BLNK: variants seen among roughly 807,000 people sequenced by gnomAD.
BLNK encodes the protein B cell linker, also known as B-cell linker protein.
In BLNK, 29 loss-of-function variants were observed where a neutral mutation model predicts 73.5. That is an observed-to-expected ratio of 0.39 (90% CI 0.29 to 0.54). The LOEUF (loss-of-function observed/expected upper bound fraction) is 0.54. Ranked by LOEUF, BLNK falls within the 20% of genes least tolerant of loss-of-function variation. The pLI is 0.61. For missense variants in BLNK, 460 were observed against 562.8 expected (o/e 0.82, Z 1.85); for synonymous variants, 176 against 200.8 (o/e 0.88, Z 1.04).
chr10:96,257,512 A>G (rs1423355028), intron 1 of BLNK, among the ~76,000 whole-genome samples: 4 of 152,248 alleles, frequency 2.6e-5, no homozygotes, highest in Non-Finnish European at 4.4e-5. Flanking sequence ...ACAAAGTGCC[A>G]TGTTGGCCAT....
rs139446805 is a variant in BLNK, at chr10:96,219,478, A to T, written c.526-2744T>A. Among the ~76,000 whole-genome samples the T allele has an allele frequency of 2.7e-4, 41 of 152,342 alleles. 1 individual carries two copies. The East Asian group carries it at 7.5e-3, about 28-fold the overall frequency. On this transcript the variant is annotated intron_variant, in intron 6 of 16. Transcript: ENST00000224337. ...AACCCTGTAGTCAACAAAATCCTTC[A>T]ATATCTTATGTCTGAACACAGAATA...
intron 5 of BLNK, among the ~76,000 whole-genome samples, chr10:96,225,359 G>C (rs1402814906): frequency 1.3e-5 from 2 of 152,164 alleles, no homozygotes; most frequent in African/African-American, 4.8e-5. Flanking sequence ...TTGCCTGTTA[G>C]GCCCTCGCCT....
chr10:96,242,664 C>A, intron 3 of BLNK, 71 bp downstream of exon 3: 2 of 1,404,062 alleles, frequency 1.4e-6, no homozygotes, highest in Non-Finnish European at 2.0e-6. Context: ...TTTCCCTTTC[C>A]ATAAGCCTAA....
intron 1 of BLNK, 45 bp downstream of exon 1, chr10:96,271,307 G>A (rs1359264853): frequency 6.3e-6 from 10 of 1,596,858 alleles, no homozygotes; most frequent in Non-Finnish European, 8.6e-6. Context: ...GCACTGGGGG[G>A]AAAAAAAGGA....
At chr10:96,232,422 C>T (rs587666316) in intron 3 of BLNK, among the ~76,000 whole-genome samples, 1 of 152,214 alleles carries the variant, frequency 6.6e-6, no homozygotes, top group South Asian at 2.1e-4. Flanking sequence ...GCTATTTCTA[C>T]CCCTGCCACA....
At position 96,190,266 on chromosome 10, in the gene BLNK, A is replaced by G. The variant is rs2083308290; in HGVS notation, c.*1707T>C. On this transcript the variant is annotated 3_prime_UTR_variant, in exon 17 of 17. Transcript: ENST00000224337. The stretch of plus-strand genomic sequence containing the variant: ...GTGGGAGAGAAAGCAGACGGAGATA[A>G]ACGACCACTGCTCAAGAGAACAGCC... 2 of 712,910 alleles carry G rather than the reference A, an allele frequency of 2.8e-6. No individual in the cohort carries two copies. The highest frequency in any genetic ancestry group is 5.2e-5 in the East Asian group (2 of 38,324). The allele number at this position is 712,910 out of a possible 1,614,324, so 44.2% of individuals were successfully genotyped here. A position where few individuals can be genotyped will look rare whatever the true frequency, so the allele number is the denominator to read the frequency against.
intron 4 of BLNK, among the ~76,000 whole-genome samples, chr10:96,227,973 T>C (rs1434949111): frequency 1.3e-5 from 2 of 152,012 alleles, no homozygotes; most frequent in East Asian, 1.9e-4. Context: ...ACGAAGAGGG[T>C]GAGGAGACAC....
chr10:96,234,048 T>C (rs1379300350), intron 3 of BLNK, among the ~76,000 whole-genome samples: 1 of 152,224 alleles, frequency 6.6e-6, no homozygotes, highest in African/African-American at 2.4e-5. Context: ...AACTTGGTTT[T>C]GAAAGAGGTT....
At chr10:96,257,149 G>A (rs1403795641) in intron 1 of BLNK, among the ~76,000 whole-genome samples, 2 of 152,142 alleles carry the variant, frequency 1.3e-5, no homozygotes, top group Non-Finnish European at 2.9e-5. Flanking sequence ...AGCTGAGAGT[G>A]TCAGGAAAGT....
intron 1 of BLNK, among the ~76,000 whole-genome samples, chr10:96,253,740 G>C (rs1416826185): frequency 1.3e-5 from 2 of 152,016 alleles, no homozygotes; most frequent in African/African-American, 2.4e-5. Context: ...GCCAGGCTGG[G>C]TGCGATGGCT....
intron 6 of BLNK, among the ~76,000 whole-genome samples, chr10:96,220,116 A>G (rs1257558716): frequency 6.6e-6 from 1 of 152,170 alleles, no homozygotes; most frequent in Non-Finnish European, 1.5e-5. Context: ...TATAAATCAG[A>G]TATCACCTCC....
intron 1 of BLNK, among the ~76,000 whole-genome samples, chr10:96,253,278 A>G (rs1157150886): frequency 6.6e-6 from 1 of 152,238 alleles, no homozygotes; most frequent in Non-Finnish European, 1.5e-5. Flanking sequence ...GCTTTTAAAT[A>G]GCTGAAACTC....
chr10:96,207,392 C>T (rs2083844049), intron 10 of BLNK, among the ~76,000 whole-genome samples: 1 of 152,184 alleles, frequency 6.6e-6, no homozygotes, highest in South Asian at 2.1e-4. Flanking sequence ...CTCATGACCC[C>T]CCCCTTCTGT....
intron 1 of BLNK, 132 bp downstream of exon 1, chr10:96,271,220 C>G: frequency 9.8e-7 from 1 of 1,024,606 alleles, no homozygotes; most frequent in Non-Finnish European, 1.5e-6. Flanking sequence ...GCTCAGTCCA[C>G]TTCCCTATAG....
chr10:96,215,229 T>A, intron 8 of BLNK, 92 bp downstream of exon 8: 1 of 1,367,230 alleles, frequency 7.3e-7, no homozygotes, highest in Admixed American at 1.7e-5. Flanking sequence ...TATTAAGACA[T>A]TTGGAAATAC....
At chr10:96,229,654 CTGTGTGTGTGTG>C (rs10625497) in intron 4 of BLNK, among the ~76,000 whole-genome samples, 3 of 142,586 alleles carry the variant, frequency 2.1e-5, no homozygotes, top group Non-Finnish European at 3.0e-5. Flanking sequence ...TTACATGTGG[CTGTGTGTGTGTG>C]TGTGTGTGTG....
intron 16 of BLNK, among the ~76,000 whole-genome samples, 177 bp downstream of exon 16, chr10:96,196,731 C>G (rs2083475643): frequency 6.6e-6 from 1 of 152,140 alleles, no homozygotes; most frequent in African/African-American, 2.4e-5. Flanking sequence ...TTTCTGTGTT[C>G]TTATAGGATA....
At chr10:96,196,236 G>A (rs1198935695) in intron 16 of BLNK, among the ~76,000 whole-genome samples, 2 of 151,956 alleles carry the variant, frequency 1.3e-5, no homozygotes, top group East Asian at 3.8e-4. Context: ...AATTCAACCC[G>A]TAATTCAAAA....
chr10:96,236,784 C>T (rs587745541), intron 3 of BLNK, among the ~76,000 whole-genome samples: 3 of 152,294 alleles, frequency 2.0e-5, no homozygotes, highest in African/African-American at 7.2e-5. Context: ...CATGATTGTA[C>T]CCCTGGACCC....
Sources: allele counts gnomAD v4.1 joint callset (sites outside exome capture counted in the v4.1 genomes callset), GRCh38; gene constraint gnomAD v4.1.1; transcripts MANE v1.5; gene names NCBI Gene and HGNC (gene_info 2026-07-23, HGNC 2026-07-21).